Variants in TCF7L2 observed in about 807,000 individuals in gnomAD.
TCF7L2 encodes transcription factor 7-like 2.
Under a neutral mutation model 77.9 loss-of-function variants are expected in TCF7L2, and 23 were observed. That is an observed-to-expected ratio of 0.30 (90% confidence interval 0.21 to 0.42). The LOEUF (loss-of-function observed/expected upper bound fraction) is 0.42, where lower values mean the gene tolerates loss of function less well. Among genes scored for constraint, TCF7L2 ranks in the 10% least tolerant of loss-of-function variants. The probability of loss-of-function intolerance (pLI) is 1.00; values close to 1 mark genes in which losing one functional copy is unlikely to be tolerated. For synonymous variants in TCF7L2, 413 were observed against 340.2 expected (o/e 1.21, Z -2.36); for missense variants, 654 against 793.1 (o/e 0.82, Z 2.11).
At chr10:112,989,556 G>C (rs2042158743) in intron 4 of TCF7L2, among the ~76,000 whole-genome samples, 1 of 152,140 alleles carries the variant, frequency 6.6e-6, no homozygotes, top group South Asian at 2.1e-4. Context: ...GCTCATGAGA[G>C]TTTGCGGCTT....
At chr10:113,076,275 C>T (rs1362405582) in intron 5 of TCF7L2, among the ~76,000 whole-genome samples, 1 of 152,072 alleles carries the variant, frequency 6.6e-6, no homozygotes, top group East Asian at 1.9e-4. Context: ...GCAGCTGGGA[C>T]TATAGGTGTG....
intron 5 of TCF7L2, among the ~76,000 whole-genome samples, chr10:113,088,720 G>A (rs2060081125): frequency 6.6e-6 from 1 of 152,062 alleles, no homozygotes; most frequent in African/African-American, 2.4e-5. Context: ...ACTTTGGGAG[G>A]CCGAGATAGG....
chr10:113,019,853 A>AAAGT (rs1202158820), intron 4 of TCF7L2, among the ~76,000 whole-genome samples: 5 of 152,056 alleles, frequency 3.3e-5, no homozygotes, highest in African/African-American at 9.7e-5. Flanking sequence ...CCCTTAACGA[A>AAAGT]AAGTAAACCA....
intron 5 of TCF7L2, among the ~76,000 whole-genome samples, chr10:113,074,823 T>C (rs2058511655): frequency 6.6e-6 from 1 of 152,132 alleles, no homozygotes; most frequent in African/African-American, 2.4e-5. Context: ...ACAGTGTTGG[T>C]TGTAACAGCT....
At chr10:113,115,904 T>C (rs2063672916) in intron 5 of TCF7L2, among the ~76,000 whole-genome samples, 2 of 152,064 alleles carry the variant, frequency 1.3e-5, no homozygotes. Flanking sequence ...CACGTCATAT[T>C]TGATTTCATA....
At chr10:113,161,638 T>C in intron 13 of TCF7L2, 1 of 1,535,658 alleles carries the variant, frequency 6.5e-7, no homozygotes, top group Non-Finnish European at 8.7e-7. Context: ...CGCTTCCCTG[T>C]TTGTAGTGCC....
At chr10:113,020,755 G>A (rs2048149143) in intron 4 of TCF7L2, among the ~76,000 whole-genome samples, 1 of 152,116 alleles carries the variant, frequency 6.6e-6, no homozygotes, top group Non-Finnish European at 1.5e-5. Flanking sequence ...GCTTGTTTTG[G>A]GAGGTAGAGG....
intron 5 of TCF7L2, among the ~76,000 whole-genome samples, chr10:113,046,483 C>T (rs892250457): frequency 1.3e-5 from 2 of 152,170 alleles, no homozygotes; most frequent in Non-Finnish European, 2.9e-5. Context: ...AGTCTCTCTC[C>T]TGGAAATGCT....
At chr10:113,069,630 G>A (rs12217841) in intron 5 of TCF7L2, among the ~76,000 whole-genome samples, 2 of 152,152 alleles carry the variant, frequency 1.3e-5, no homozygotes, top group Non-Finnish European at 2.9e-5. Context: ...ACATTATTTA[G>A]AAATGGAATT....
chr10:113,106,540 T>C (rs1311143697), intron 5 of TCF7L2, among the ~76,000 whole-genome samples: 1 of 152,228 alleles, frequency 6.6e-6, no homozygotes, highest in Non-Finnish European at 1.5e-5. Context: ...CTTGAAATCC[T>C]GATTTTTCTC....
intron 4 of TCF7L2, among the ~76,000 whole-genome samples, chr10:112,991,339 C>T (rs985995473): frequency 2.6e-5 from 4 of 151,932 alleles, no homozygotes; most frequent in African/African-American, 7.3e-5. Context: ...ACCATCCTGG[C>T]TAACACGATG....
In TCF7L2 at chr10:113,026,165, C is replaced by T. The variant is rs56900667; in HGVS notation, c.451-13860C>T. 2.9e-3 allele frequency among the ~76,000 whole-genome samples: 434 copies of T among 151,330 alleles called. 7 individuals carry two copies. The highest frequency in any genetic ancestry group is 9.9e-3 in the Admixed American group (150 of 15,152). ...AAGTGCTGGGATTACAGGCGTGAGCCACTGCGCCTGGCCTACCCCCTGTCG... is the reference window on the plus strand; with the variant it reads ...AAGTGCTGGGATTACAGGCGTGAGCTACTGCGCCTGGCCTACCCCCTGTCG... On this transcript the variant is annotated intron_variant, in intron 4 of 13. Transcript: ENST00000627217.
At chr10:112,976,038 C>T (rs537102441) in intron 4 of TCF7L2, among the ~76,000 whole-genome samples, 7 of 152,290 alleles carry the variant, frequency 4.6e-5, no homozygotes, top group African/African-American at 1.7e-4. Flanking sequence ...GTTCCTGCTT[C>T]TGGAGTCAGG....
At chr10:113,113,379 T>TC (rs35152690) in intron 5 of TCF7L2, among the ~76,000 whole-genome samples, 290 of 152,268 alleles carry the variant, frequency 1.9e-3, no homozygotes, top group African/African-American at 6.3e-3. Flanking sequence ...CCCCCGCACC[T>TC]CCCCACCAGT....
intron 3 of TCF7L2, among the ~76,000 whole-genome samples, chr10:112,956,384 A>G (rs922559481): frequency 1.4e-5 from 2 of 147,592 alleles, no homozygotes; most frequent in African/African-American, 5.1e-5. Context: ...TGGAGTTGCC[A>G]AATAAATAAG....
chr10:112,964,373 C>T (rs763171642), intron 3 of TCF7L2, among the ~76,000 whole-genome samples, 183 bp from the exon 4 acceptor site: 2 of 152,058 alleles, frequency 1.3e-5, no homozygotes, highest in African/African-American at 2.4e-5. Flanking sequence ...AACAAAAAAA[C>T]TTTACCTTAG....
At chr10:113,002,796 A>C (rs143747673) in intron 4 of TCF7L2, among the ~76,000 whole-genome samples, 1 of 152,332 alleles carries the variant, frequency 6.6e-6, no homozygotes, top group African/African-American at 2.4e-5. Flanking sequence ...GATATGAAAG[A>C]AAATAAAAAC....
At chr10:113,072,344 G>A (rs1269505519) in intron 5 of TCF7L2, among the ~76,000 whole-genome samples, 10 of 149,564 alleles carry the variant, frequency 6.7e-5, no homozygotes, top group African/African-American at 2.0e-4. Flanking sequence ...GTGAGTCACC[G>A]CGCCTGGCCT....
At chr10:113,033,955 T>C (rs1230551367) in intron 4 of TCF7L2, among the ~76,000 whole-genome samples, 1 of 152,220 alleles carries the variant, frequency 6.6e-6, no homozygotes, top group African/African-American at 2.4e-5. Context: ...CCTGTATGAT[T>C]CAGAGGGTAG....
Sources: allele counts gnomAD v4.1 joint callset (sites outside exome capture counted in the v4.1 genomes callset), GRCh38; gene constraint gnomAD v4.1.1; transcripts MANE v1.5; gene names NCBI Gene and HGNC (gene_info 2026-07-23, HGNC 2026-07-21).